LPP: variants seen among roughly 807,000 people sequenced by gnomAD.
The protein encoded by LPP is lipoma-preferred partner.
Under a neutral mutation model 60.4 loss-of-function variants are expected in LPP, and 38 were observed. The ratio of observed to expected loss-of-function variants is 0.63; its 90% CI spans 0.49 to 0.83. The LOEUF (loss-of-function observed/expected upper bound fraction) is 0.83. Among genes scored for constraint, LPP ranks in the 40% least tolerant of loss-of-function variants. LPP has a pLI of 0.00. For missense variants in LPP, 902 were observed against 783.6 expected (o/e 1.15, Z -1.80); for synonymous variants, 328 against 290.8 (o/e 1.13, Z -1.30).
chr3:188,712,497 A>AT, intron 8 of LPP: 1 of 152,422 alleles, frequency 6.6e-6, no homozygotes. Context: ...GAAAGAATAC[A>AT]TAGCAGTGTG....
At chr3:188,207,360 T>G (rs1215602972) in intron 1 of LPP, among the ~76,000 whole-genome samples, 1 of 151,580 alleles carries the variant, frequency 6.6e-6, no homozygotes, top group African/African-American at 2.4e-5. Flanking sequence ...GCCCCCTGAA[T>G]AGCTGGGATT....
chr3:188,399,445 G>T (rs1402780964), intron 3 of LPP, among the ~76,000 whole-genome samples: 2 of 152,148 alleles, frequency 1.3e-5, no homozygotes, highest in African/African-American at 4.8e-5. Flanking sequence ...GTTGCTAAGG[G>T]ACATGAATGC....
At chr3:188,220,821 G>GA (rs1715499560) in intron 1 of LPP, among the ~76,000 whole-genome samples, 1 of 152,152 alleles carries the variant, frequency 6.6e-6, no homozygotes, top group Non-Finnish European at 1.5e-5. Context: ...AAGGGTCACT[G>GA]AAGGTATGGG....
At chr3:188,203,234 T>C (rs1165648388) in intron 1 of LPP, among the ~76,000 whole-genome samples, 1 of 129,832 alleles carries the variant, frequency 7.7e-6, no homozygotes, top group Non-Finnish European at 1.5e-5. Flanking sequence ...TGTAATACAA[T>C]ATATTTTATA....
Position 188,751,376 on chromosome 3 carries a change from A to C in LPP, c.1241-8737A>C, listed in dbSNP as rs1728020076. Among the ~76,000 whole-genome samples, 3 of 152,218 alleles carry C rather than the reference A, an allele frequency of 2.0e-5. No homozygotes were observed. The South Asian group carries it at 6.2e-4, about 32-fold the overall frequency. Reference sequence around the variant, plus strand: ...GTTCTAACTGTACTAGTAAATATTGATTTTTCTGTTAGCAGATCAATCATG... The same window carrying C: ...GTTCTAACTGTACTAGTAAATATTGCTTTTTCTGTTAGCAGATCAATCATG... On this transcript the variant is annotated intron_variant, in intron 8 of 11. Coordinates refer to ENST00000617246, the MANE Select transcript of LPP (RefSeq NM_001375462.1).
intron 1 of LPP, among the ~76,000 whole-genome samples, chr3:188,200,362 G>C: frequency 6.6e-6 from 1 of 151,198 alleles, no homozygotes; most frequent in Admixed American, 6.6e-5. Context: ...AGATTCTCCT[G>C]TCTCAGCCTC....
intron 2 of LPP, among the ~76,000 whole-genome samples, chr3:188,304,389 C>T (rs1004079139): frequency 1.3e-5 from 2 of 152,044 alleles, no homozygotes; most frequent in Admixed American, 6.6e-5. Context: ...AGTTCTGTCA[C>T]CAAATTATTT....
At chr3:188,201,501 G>A (rs1181786961) in intron 1 of LPP, among the ~76,000 whole-genome samples, 1 of 152,150 alleles carries the variant, frequency 6.6e-6, no homozygotes, top group East Asian at 1.9e-4. Context: ...GAGGTCAGGA[G>A]TTCGAGACCA....
intron 4 of LPP, among the ~76,000 whole-genome samples, chr3:188,437,998 A>T (rs189601016): frequency 6.6e-6 from 1 of 152,312 alleles, no homozygotes; most frequent in East Asian, 1.9e-4. Context: ...TTATTTGTAT[A>T]AGGTGGGTAG....
intron 7 of LPP, among the ~76,000 whole-genome samples, chr3:188,637,840 A>C (rs1455194355): frequency 6.6e-6 from 1 of 152,096 alleles, no homozygotes; most frequent in East Asian, 1.9e-4. Context: ...TGAATAGACC[A>C]ATAACAGGAT....
chr3:188,377,814 G>C (rs993212753), intron 3 of LPP, among the ~76,000 whole-genome samples: 8 of 152,006 alleles, frequency 5.3e-5, no homozygotes, highest in Non-Finnish European at 7.4e-5. Context: ...TTTCTGCTCT[G>C]TTTTTTTCCC....
At chr3:188,712,604 G>T (rs1233663829) in intron 8 of LPP, 1 of 152,178 alleles carries the variant, frequency 6.6e-6, no homozygotes, top group Non-Finnish European at 1.5e-5. Context: ...AAATAGCATT[G>T]CCAAGCACTT....
At chr3:188,525,323 A>G (rs1820300090) in intron 6 of LPP, among the ~76,000 whole-genome samples, 1 of 152,184 alleles carries the variant, frequency 6.6e-6, no homozygotes, top group African/African-American at 2.4e-5. Flanking sequence ...TTTATTTAAT[A>G]TCAACATGTA....
In LPP at chr3:188,884,178, C is replaced by G. The variant is rs1309517984; in HGVS notation, c.*9699C>G. 1 of 227,678 alleles carries G rather than the reference C, an allele frequency of 4.4e-6. No homozygotes were observed. Among genetic ancestry groups the G allele is most frequent in the Non-Finnish European group, 8.7e-6 (1 of 114,652 alleles). The allele number at this position is 227,678 out of a possible 1,614,324, so 14.1% of individuals were successfully genotyped here. ...GAGGACAGTTATTAGTACCCCTATT[C>G]TAGAAGAGAAAGCTGAGGCTCAAGC... On this transcript the variant is annotated 3_prime_UTR_variant, in exon 12 of 12. Coordinates refer to ENST00000617246, the MANE Select transcript of LPP (RefSeq NM_001375462.1).
chr3:188,348,323 T>C (rs1420709561), intron 3 of LPP, among the ~76,000 whole-genome samples: 1 of 151,866 alleles, frequency 6.6e-6, no homozygotes, highest in African/African-American at 2.4e-5. Flanking sequence ...ATTTTTTGTA[T>C]TTTTAGTAGA....
At chr3:188,679,987 G>T (rs1006652982) in intron 7 of LPP, among the ~76,000 whole-genome samples, 13 of 152,142 alleles carry the variant, frequency 8.5e-5, no homozygotes, top group African/African-American at 2.9e-4. Context: ...CCTCTGGTAT[G>T]AGGAAGAAAC....
At chr3:188,737,300 C>T (rs558772149) in intron 8 of LPP, among the ~76,000 whole-genome samples, 27 of 152,284 alleles carry the variant, frequency 1.8e-4, no homozygotes, top group African/African-American at 6.3e-4. Context: ...AATGTGGATA[C>T]TAACACTGGC....
intron 4 of LPP, among the ~76,000 whole-genome samples, chr3:188,428,092 A>G (rs986532828): frequency 6.6e-6 from 1 of 152,114 alleles, no homozygotes; most frequent in Admixed American, 6.6e-5. Context: ...AGACCATGGG[A>G]AAAGGGTAGT....
chr3:188,384,789 CAAAAAAAAAAAAAAAAAAAAAAA>C (rs561284077), intron 3 of LPP, among the ~76,000 whole-genome samples: 61 of 51,454 alleles, frequency 1.2e-3, no homozygotes, highest in African/African-American at 4.8e-3. Flanking sequence ...GACTCTGTCT[CAAAAAAAAAAAAAAAAAAAAAAA>C]AAAAAAAAAA....
Sources: gnomAD v4.1 joint callset for allele counts (sites outside exome capture counted in the v4.1 genomes callset) on GRCh38, gnomAD v4.1.1 for gene constraint, MANE v1.5 for transcripts, NCBI Gene and HGNC (gene_info 2026-07-23, HGNC 2026-07-21) for gene names.